The following KCNIP4 variants were observed in gnomAD, a reference collection of about 807,000 sequenced individuals.
The protein encoded by KCNIP4 is Kv channel-interacting protein 4.
KCNIP4 carries 12 observed loss-of-function variants against 34.0 expected under a neutral mutation model. That is an observed-to-expected ratio of 0.35 (90% CI 0.23 to 0.57). KCNIP4 has a LOEUF of 0.57. Ranked by LOEUF, KCNIP4 falls within the 20% of genes least tolerant of loss-of-function variation. The pLI is 0.83. For missense variants in KCNIP4, 238 were observed against 311.7 expected (o/e 0.76, Z 1.78); for synonymous variants, 124 against 102.2 (o/e 1.21, Z -1.29).
At chr4:20,970,986 G>A (rs141670122) in intron 1 of KCNIP4, among the ~76,000 whole-genome samples, 6 of 152,324 alleles carry the variant, frequency 3.9e-5, no homozygotes, top group African/African-American at 1.4e-4. Context: ...GATCTAACTA[G>A]GTGGTTCAAA....
chr4:21,527,869 T>C (rs1736105580), intron 1 of KCNIP4, among the ~76,000 whole-genome samples: 1 of 152,160 alleles, frequency 6.6e-6, no homozygotes, highest in African/African-American at 2.4e-5. Context: ...TCTTAACTAC[T>C]GTACCACAGG....
At chr4:21,461,611 C>T (rs567918806) in intron 1 of KCNIP4, among the ~76,000 whole-genome samples, 1 of 152,006 alleles carries the variant, frequency 6.6e-6, no homozygotes, top group African/African-American at 2.4e-5. Flanking sequence ...AAAAAAATCT[C>T]TTGTAAGTCC....
chr4:21,346,773 C>T (rs991993891), intron 1 of KCNIP4, among the ~76,000 whole-genome samples: 1 of 151,856 alleles, frequency 6.6e-6, no homozygotes, highest in African/African-American at 2.4e-5. Flanking sequence ...CTGATGCTGC[C>T]GAAACTCAGA....
At chr4:21,065,758 AT>A (rs1560690362) in intron 1 of KCNIP4, among the ~76,000 whole-genome samples, 2,956 of 140,460 alleles carry the variant, frequency 0.021, 52 homozygotes, top group Non-Finnish European at 0.024. Flanking sequence ...ATATATATAT[AT>A]ATATATAACT....
At chr4:21,270,655 AT>A (rs1295317948) in intron 1 of KCNIP4, among the ~76,000 whole-genome samples, 1 of 152,198 alleles carries the variant, frequency 6.6e-6, no homozygotes, top group East Asian at 1.9e-4. Context: ...CATTCAATTA[AT>A]TTTTTTCCAG....
At chr4:21,179,859 C>A (rs561354378) in intron 1 of KCNIP4, among the ~76,000 whole-genome samples, 2 of 152,074 alleles carry the variant, frequency 1.3e-5, no homozygotes, top group African/African-American at 4.8e-5. Context: ...TCTTAGCTAT[C>A]TTTCTCCTTA....
At chr4:20,796,317 T>C (rs1268884506) in intron 3 of KCNIP4, among the ~76,000 whole-genome samples, 2 of 152,164 alleles carry the variant, frequency 1.3e-5, no homozygotes, top group East Asian at 3.8e-4. Flanking sequence ...TATTTGCTTG[T>C]TTGTTTTTTG....
rs979647027 is a variant in KCNIP4, at chr4:20,728,709, G to A, written c.*1373C>T. 2 of 152,574 alleles carry A rather than the reference G, an allele frequency of 1.3e-5. No homozygotes were observed. The highest frequency in any genetic ancestry group is 3.9e-4 in the East Asian group (2 of 5,194). The allele number at this position is 152,574 out of a possible 1,614,324, so 9.5% of individuals were successfully genotyped here. A position where few individuals can be genotyped will look rare whatever the true frequency, so the allele number is the denominator to read the frequency against. On this transcript the variant is annotated 3_prime_UTR_variant, in exon 9 of 9. Coordinates refer to ENST00000382152, the MANE Select transcript of KCNIP4 (RefSeq NM_025221.6). The stretch of plus-strand genomic sequence containing the variant: ...CGTGATGGCAAATTTCAGTGTACAT[G>A]TATTGTACTACTCTTAATTTCTACA...
At chr4:21,254,480 G>A (rs867465119) in intron 1 of KCNIP4, among the ~76,000 whole-genome samples, 3 of 152,188 alleles carry the variant, frequency 2.0e-5, no homozygotes, top group Middle Eastern at 3.4e-3. Context: ...ATAGGGCACG[G>A]TTATGCATTT....
chr4:20,927,030 GAGTGC>G (rs1373325645), intron 1 of KCNIP4, among the ~76,000 whole-genome samples: 1 of 152,114 alleles, frequency 6.6e-6, no homozygotes, highest in African/African-American at 2.4e-5. Context: ...GCCCAGGCTG[GAGTGC>G]AGGTGTGATC....
chr4:21,512,087 AGGAG>A (rs72098591), intron 1 of KCNIP4, among the ~76,000 whole-genome samples: 46,472 of 141,454 alleles, frequency 0.33, 7,616 homozygotes, highest in African/African-American at 0.36. Context: ...GAAGGAAGGA[AGGAG>A]GGAGGGAGGG....
intron 1 of KCNIP4, among the ~76,000 whole-genome samples, chr4:21,917,119 C>T (rs527305890): frequency 1.4e-5 from 2 of 147,128 alleles, no homozygotes; most frequent in African/African-American, 2.5e-5. Flanking sequence ...TTATTTAGTA[C>T]AGTTTTGTTT....
At chr4:21,185,885 A>G (rs1755189588) in intron 1 of KCNIP4, among the ~76,000 whole-genome samples, 3 of 152,082 alleles carry the variant, frequency 2.0e-5, no homozygotes, top group Admixed American at 6.5e-5. Flanking sequence ...CTGGGCACAA[A>G]TTTTTCCCTC....
intron 3 of KCNIP4, among the ~76,000 whole-genome samples, chr4:20,831,019 C>G (rs16870109): frequency 0.28 from 41,909 of 152,024 alleles, 5,961 homozygotes; most frequent in South Asian, 0.44. Context: ...TAGTATTTGC[C>G]TCTGTAAAAT....
intron 1 of KCNIP4, among the ~76,000 whole-genome samples, chr4:21,484,997 T>A (rs1731785734): frequency 6.6e-6 from 1 of 152,218 alleles, no homozygotes; most frequent in Admixed American, 6.5e-5. Flanking sequence ...TTCTACTGAA[T>A]GGCAATTTGC....
intron 1 of KCNIP4, among the ~76,000 whole-genome samples, chr4:20,884,481 C>T (rs1318147438): frequency 2.0e-5 from 3 of 150,244 alleles, no homozygotes; most frequent in Non-Finnish European, 4.4e-5. Context: ...ACATAAAACA[C>T]ACCCTATATT....
chr4:20,744,761 G>T (rs768031465), intron 5 of KCNIP4, among the ~76,000 whole-genome samples: 4 of 150,136 alleles, frequency 2.7e-5, no homozygotes, highest in South Asian at 2.1e-4. Context: ...AGAACTTAAA[G>T]AATAATAATA....
rs78290805 is a variant in KCNIP4 at position 20,730,140 on chromosome 4, G to C, written c.706-11C>G. 257 of 1,602,028 alleles carry C rather than the reference G, an allele frequency of 1.6e-4. 1 individual carries two copies. The East Asian group carries it at 5.8e-3, about 36-fold the overall frequency. On this transcript the variant is annotated splice_polypyrimidine_tract_variant and intron_variant, in intron 8 of 8. Transcript: ENST00000382152. ...CATTATGTTTTCATCCTGTAAGGGA[G>C]AAACACAGAGCGATTAAATTCAGCA...
At chr4:21,920,873 C>CTTTTTTTTTTTTTTCTTTTTTTTTTT (rs1728899285) in intron 1 of KCNIP4, among the ~76,000 whole-genome samples, 2 of 151,744 alleles carry the variant, frequency 1.3e-5, no homozygotes, top group African/African-American at 2.4e-5. Flanking sequence ...TGTACATTTT[C>CTTTTTTTTTTTTTTCTTTTTTTTTTT]TTTGTTTGCT....
Sources: gnomAD v4.1 joint callset for allele counts (sites outside exome capture counted in the v4.1 genomes callset) on GRCh38, gnomAD v4.1.1 for gene constraint, MANE v1.5 for transcripts, NCBI Gene and HGNC (gene_info 2026-07-23, HGNC 2026-07-21) for gene names.